RAMP1: variants seen among roughly 807,000 people sequenced by gnomAD.
RAMP1 encodes receptor activity-modifying protein 1.
Under a neutral mutation model 8.2 loss-of-function variants are expected in RAMP1, and 7 were observed. The observed-to-expected ratio is 0.85, with a 90% CI of 0.49 to 1.60. The LOEUF is 1.60. Ranked by LOEUF, RAMP1 falls within the 40% of genes most tolerant of loss-of-function variation. The pLI, the probability that RAMP1 is intolerant of heterozygous loss-of-function variation, is 0.00. For missense variants in RAMP1, 192 were observed against 202.4 expected (o/e 0.95, Z 0.31); for synonymous variants, 92 against 84.7 (o/e 1.09, Z -0.47).
rs1576542888 is a variant in RAMP1, at chr2:237,880,851, C to A, written c.191+3489C>A. ...ATCTCCCAAATACCCCCACAGTGAC[C>A]CCTAGACTAGTGTTTGACTGAGTAA... On this transcript the variant is annotated intron_variant, in intron 2 of 2. Coordinates refer to ENST00000254661, the MANE Select transcript of RAMP1 (RefSeq NM_005855.4). 5.3e-5 allele frequency among the ~76,000 whole-genome samples: 8 copies of A among 152,304 alleles called. No homozygotes were observed. In the South Asian group the frequency reaches 1.7e-3, roughly 32 times the overall value.
intron 2 of RAMP1, among the ~76,000 whole-genome samples, chr2:237,884,865 C>T (rs2151012974): frequency 6.6e-6 from 1 of 152,386 alleles, no homozygotes; most frequent in South Asian, 2.1e-4. Context: ...GCTGGGCAAT[C>T]ATGGGCCCTC....
chr2:237,871,049 C>T (rs993260134), intron 1 of RAMP1, among the ~76,000 whole-genome samples: 3 of 152,128 alleles, frequency 2.0e-5, no homozygotes, highest in Admixed American at 6.6e-5. Context: ...GCGGGGTAAG[C>T]GGCTGTGTGG....
chr2:237,886,186 G>A (rs2062430885), intron 2 of RAMP1, among the ~76,000 whole-genome samples: 1 of 152,142 alleles, frequency 6.6e-6, no homozygotes, highest in South Asian at 2.1e-4. Context: ...GCAGTGGCTG[G>A]GGATATGCCG....
At chr2:237,872,322 G>A (rs534385118) in intron 1 of RAMP1, among the ~76,000 whole-genome samples, 1 of 152,352 alleles carries the variant, frequency 6.6e-6, no homozygotes, top group East Asian at 1.9e-4. Flanking sequence ...TGACGGTGAT[G>A]ATGGCCACAC....
rs1208352193 is a variant in RAMP1 at position 237,877,148 on chromosome 2, G to A, written c.53-76G>A. The A allele has an allele frequency of 6.3e-7, 1 of 1,597,314 alleles. No homozygotes were observed. The highest frequency in any genetic ancestry group is 1.3e-5 in the African/African-American group (1 of 74,862). On this transcript the variant is annotated intron_variant, in intron 1 of 2. Transcript: ENST00000254661. The surrounding 1 kb of genome is among the most constrained non-coding windows in gnomAD (Gnocchi z 4.4). Reference sequence around the variant, plus strand: ...CGTTCTCGTGGAGTCCGGGCTGCAGGGGCGCGCGGGCTGGCGGTGATACCC... The same window carrying A: ...CGTTCTCGTGGAGTCCGGGCTGCAGAGGCGCGCGGGCTGGCGGTGATACCC...
At chr2:237,874,742 A>G (rs914917916) in intron 1 of RAMP1, 1 of 958,318 alleles carries the variant, frequency 1.0e-6, no homozygotes, top group Non-Finnish European at 1.2e-6. Context: ...TTTGACAAAT[A>G]TGAATGTGCA....
At chr2:237,866,345 G>A (rs1418792136) in intron 1 of RAMP1, among the ~76,000 whole-genome samples, 1 of 152,060 alleles carries the variant, frequency 6.6e-6, no homozygotes, top group Non-Finnish European at 1.5e-5. Context: ...GTCACCCTGT[G>A]CCTGTTTTTT....
At chr2:237,860,701 G>A (rs1428098471) in intron 1 of RAMP1, among the ~76,000 whole-genome samples, 2 of 152,196 alleles carry the variant, frequency 1.3e-5, no homozygotes, top group African/African-American at 4.8e-5. Context: ...CCTTTCCCCG[G>A]AAACAGTGAT....
At chr2:237,897,786 G>GT (rs372104383) in intron 2 of RAMP1, among the ~76,000 whole-genome samples, 7 of 139,070 alleles carry the variant, frequency 5.0e-5, no homozygotes, top group Non-Finnish European at 1.1e-4. Flanking sequence ...TTGGGGGGGG[G>GT]TTTTGTTTTT....
intron 2 of RAMP1, among the ~76,000 whole-genome samples, chr2:237,893,742 C>T (rs2151017109): frequency 6.6e-6 from 1 of 152,172 alleles, no homozygotes; most frequent in Admixed American, 6.5e-5. Flanking sequence ...AGTTCGAGAC[C>T]AGTGTGAGCA....
chr2:237,872,798 G>A (rs919634624), intron 1 of RAMP1, among the ~76,000 whole-genome samples: 18 of 152,202 alleles, frequency 1.2e-4, no homozygotes, highest in African/African-American at 4.1e-4. Context: ...ACGCTGAGGT[G>A]GGACGATGCC....
At chr2:237,868,433 A>AT (rs2062211223) in intron 1 of RAMP1, among the ~76,000 whole-genome samples, 1 of 152,012 alleles carries the variant, frequency 6.6e-6, no homozygotes, top group Non-Finnish European at 1.5e-5. Context: ...GTGAACAATT[A>AT]TTTTTCTAAT....
chr2:237,898,209 A>G (rs934178853), intron 2 of RAMP1, among the ~76,000 whole-genome samples: 1 of 152,216 alleles, frequency 6.6e-6, no homozygotes, highest in African/African-American at 2.4e-5. Flanking sequence ...TTAAATAGAT[A>G]AACCATAGTC....
intron 1 of RAMP1, among the ~76,000 whole-genome samples, chr2:237,864,937 G>A (rs942480572): frequency 3.9e-5 from 6 of 152,198 alleles, no homozygotes; most frequent in Admixed American, 6.5e-5. Context: ...TGGGGAAGAG[G>A]GCTTTGAGCC....
rs990906137 is a variant in RAMP1, at chr2:237,865,213, A to C, written c.52+5486A>C. Reference sequence around the variant, plus strand: ...GAGGCAGCGCTGAGGAATGAAGAACAGCACCTGGCAGAGCTCCTGGGGGAG... The same window carrying C: ...GAGGCAGCGCTGAGGAATGAAGAACCGCACCTGGCAGAGCTCCTGGGGGAG... On this transcript the variant is annotated intron_variant, in intron 1 of 2. Transcript: ENST00000254661. This position sits in a 1 kb window ranked among gnomAD's most constrained non-coding sequence, Gnocchi z 4.2. Among the ~76,000 whole-genome samples, 6 of 150,152 alleles carry C rather than the reference A, an allele frequency of 4.0e-5. No individual in the cohort carries two copies. The highest frequency in any genetic ancestry group is 2.0e-4 in the Admixed American group (3 of 15,100).
chr2:237,902,538 AC>A (rs1349820464), intron 2 of RAMP1, among the ~76,000 whole-genome samples: 2 of 151,858 alleles, frequency 1.3e-5, no homozygotes, highest in African/African-American at 2.4e-5. Context: ...ACCCCCACTC[AC>A]CCTTCCACAG....
At chr2:237,864,403 A>G (rs891992049) in intron 1 of RAMP1, among the ~76,000 whole-genome samples, 2 of 152,244 alleles carry the variant, frequency 1.3e-5, no homozygotes, top group East Asian at 1.9e-4. Context: ...TGCCTCTTCA[A>G]TGGACACTTG....
At chr2:237,879,194 C>T (rs1003668192) in intron 2 of RAMP1, among the ~76,000 whole-genome samples, 2 of 152,278 alleles carry the variant, frequency 1.3e-5, no homozygotes, top group Non-Finnish European at 2.9e-5. Flanking sequence ...TGGGGGGCCC[C>T]TGGAGAAAAG....
intron 2 of RAMP1, among the ~76,000 whole-genome samples, chr2:237,884,809 A>G (rs1576545175): frequency 6.6e-6 from 1 of 152,176 alleles, no homozygotes; most frequent in South Asian, 2.1e-4. Context: ...AGCTTTGGTT[A>G]CCCGAGGCTG....
Sources: gnomAD v4.1 joint callset for allele counts (sites outside exome capture counted in the v4.1 genomes callset) on GRCh38, gnomAD v4.1.1 for gene constraint, Gnocchi (gnomAD v3.1) non-coding constraint, MANE v1.5 for transcripts, NCBI Gene and HGNC (gene_info 2026-07-23, HGNC 2026-07-21) for gene names.